The following CPPED1 variants were observed in gnomAD, a reference collection of about 807,000 sequenced individuals.
The protein encoded by CPPED1 is serine/threonine-protein phosphatase CPPED1.
CPPED1 carries 28 observed loss-of-function variants against 28.0 expected under a neutral mutation model. The ratio of observed to expected loss-of-function variants is 1.00; its 90% CI spans 0.74 to 1.37. CPPED1 has a LOEUF of 1.37. Ranked by LOEUF, CPPED1 falls within the 40% of genes most tolerant of loss-of-function variation. CPPED1 has a pLI of 0.00. For synonymous variants in CPPED1, 198 were observed against 180.2 expected (o/e 1.10, Z -0.79); for missense variants, 504 against 416.5 (o/e 1.21, Z -1.83).
intron 3 of CPPED1, among the ~76,000 whole-genome samples, chr16:12,683,145 T>C (rs2079914445): frequency 6.6e-6 from 1 of 152,236 alleles, no homozygotes; most frequent in African/African-American, 2.4e-5. Flanking sequence ...AAGGGGGTAC[T>C]GCATCCATCA....
At chr16:12,716,965 C>T (rs1467305875) in intron 2 of CPPED1, among the ~76,000 whole-genome samples, 1 of 151,678 alleles carries the variant, frequency 6.6e-6, no homozygotes, top group Non-Finnish European at 1.5e-5. Flanking sequence ...AGTTGGGAGG[C>T]ACCCCAGAGC....
At chr16:12,798,175 G>A (rs1053512780) in intron 1 of CPPED1, among the ~76,000 whole-genome samples, 1 of 152,182 alleles carries the variant, frequency 6.6e-6, no homozygotes, top group African/African-American at 2.4e-5. Context: ...TTCTGGAAAT[G>A]TTATAGTGCA....
chr16:12,719,780 C>G (rs2080128656), intron 2 of CPPED1, among the ~76,000 whole-genome samples: 1 of 151,954 alleles, frequency 6.6e-6, no homozygotes, highest in African/African-American at 2.4e-5. Flanking sequence ...ACTAAAAATA[C>G]AAAAATTAGC....
chr16:12,766,279 A>G (rs369674793), intron 2 of CPPED1, among the ~76,000 whole-genome samples: 2 of 144,564 alleles, frequency 1.4e-5, no homozygotes, highest in South Asian at 2.1e-4. Flanking sequence ...AGAGAGAGGG[A>G]GAGAGAGAGA....
Position 12,704,743 on chromosome 16 carries a change from T to A in CPPED1, c.596A>T (p.His199Leu), listed in dbSNP as rs945120645. The A allele has an allele frequency of 1.2e-6, 2 of 1,614,108 alleles. No individual in the cohort carries two copies. Among genetic ancestry groups the A allele is most frequent in the African/African-American group, 1.3e-5 (1 of 74,934 alleles). The change falls in exon 3 of 4, where the codon CAT (histidine) becomes CTT (leucine). Residue 199 changes from histidine to leucine, a missense_variant. Physicochemically the swap from His to Leu is moderately conservative, Grantham distance 99. Transcript: ENST00000381774. ...CGGGATGTGCTGGAAGACGATGGCA[T>A]GCTGGCAGTGCCGCTGCCTCGCGAT... ...LSIARQRHCQ[H>L]AIVFQHIPLF...
At chr16:12,747,950 G>A (rs1334542635) in intron 2 of CPPED1, among the ~76,000 whole-genome samples, 1 of 152,194 alleles carries the variant, frequency 6.6e-6, no homozygotes, top group African/African-American at 2.4e-5. Context: ...ACACCACGCA[G>A]TGCCCGTCTC....
rs2079798607 is a variant in CPPED1 at position 12,662,152 on chromosome 16, AG to A, written c.*2733del. 6.6e-6 allele frequency: 1 copy of A among 152,246 alleles called. No individual in the cohort carries two copies. Among genetic ancestry groups the A allele is most frequent in the Admixed American group, 6.5e-5 (1 of 15,286 alleles). 9.4% of individuals were successfully genotyped at this position (152,246 alleles called of 1,614,324 possible). ...ATTCAAAACCATAGCACTTAGAATC[AG>A]GAAGTCCTTTTATCGTTTTTCACAG... On this transcript the variant is annotated 3_prime_UTR_variant, in exon 4 of 4. Coordinates refer to ENST00000381774, the MANE Select transcript of CPPED1 (RefSeq NM_018340.3).
intron 2 of CPPED1, among the ~76,000 whole-genome samples, chr16:12,730,620 C>T (rs914035048): frequency 1.3e-5 from 2 of 152,138 alleles, no homozygotes; most frequent in African/African-American, 4.8e-5. Context: ...TAACACAGAA[C>T]CAATTGCTGC....
chr16:12,785,547 C>T (rs1464618115), intron 1 of CPPED1, among the ~76,000 whole-genome samples: 1 of 151,966 alleles, frequency 6.6e-6, no homozygotes, highest in Non-Finnish European at 1.5e-5. Context: ...CATGCCTCAG[C>T]CTCCCGAGTA....
In CPPED1 at chr16:12,704,628, G is replaced by T; in HGVS notation, c.711C>A (p.His237Gln). Residue 237 changes from histidine to glutamine, a missense_variant, in exon 3 of 4, where the codon CAC (histidine) becomes CAA (glutamine). Physicochemically the swap from His to Gln is conservative, Grantham distance 24. Coordinates refer to ENST00000381774, the MANE Select transcript of CPPED1 (RefSeq NM_018340.3). ...TRKKLADKFI[H>Q]AGVKVVFSGH... ...CCCGTGGCCCGGGGCCTCTACCTGCGTGGATGAACTTGTCTGCCAACTTCT... is the reference window on the plus strand; with the variant it reads ...CCCGTGGCCCGGGGCCTCTACCTGCTTGGATGAACTTGTCTGCCAACTTCT... 1 of 1,607,956 alleles carries T rather than the reference G, an allele frequency of 6.2e-7. No homozygotes were observed. Among genetic ancestry groups the T allele is most frequent in the South Asian group, 1.1e-5 (1 of 90,414 alleles).
At chr16:12,774,766 T>C (rs2080488240) in intron 2 of CPPED1, among the ~76,000 whole-genome samples, 1 of 151,872 alleles carries the variant, frequency 6.6e-6, no homozygotes, top group African/African-American at 2.4e-5. Flanking sequence ...AATGAATGAG[T>C]TAGTGGATTA....
In CPPED1 at chr16:12,682,142, T is replaced by C. The variant is rs540213349; in HGVS notation, c.716-17027A>G. Among the ~76,000 whole-genome samples, 16 of 152,176 alleles carry C rather than the reference T, an allele frequency of 1.1e-4. No individual in the cohort carries two copies. The highest frequency in any genetic ancestry group is 3.3e-4 in the Admixed American group (5 of 15,282). On this transcript the variant is annotated intron_variant, in intron 3 of 3. Transcript: ENST00000381774. The surrounding 1 kb of genome is among the most constrained non-coding windows in gnomAD (Gnocchi z 6.1). ...TGCGTATCCTGGGTTCAAGCAGTTCTCCCTGCCTCAGCCTCCCGAGTAGCT... is the reference window on the plus strand; with the variant it reads ...TGCGTATCCTGGGTTCAAGCAGTTCCCCCTGCCTCAGCCTCCCGAGTAGCT...
intron 2 of CPPED1, among the ~76,000 whole-genome samples, chr16:12,710,603 T>A (rs2080075045): frequency 6.6e-6 from 1 of 152,104 alleles, no homozygotes. Flanking sequence ...TGATAGGGAA[T>A]GAATATCAGA....
chr16:12,763,436 C>T (rs560890497), intron 2 of CPPED1, among the ~76,000 whole-genome samples: 3 of 151,968 alleles, frequency 2.0e-5, no homozygotes, highest in Non-Finnish European at 4.4e-5. Context: ...ACACAAAAGA[C>T]CAATGAATGG....
intron 3 of CPPED1, among the ~76,000 whole-genome samples, chr16:12,693,876 T>G (rs2079976176): frequency 6.6e-6 from 1 of 152,180 alleles, no homozygotes; most frequent in Non-Finnish European, 1.5e-5. Context: ...GGGGGCTCCT[T>G]TTTGAAATGT....
intron 3 of CPPED1, among the ~76,000 whole-genome samples, chr16:12,690,989 C>T (rs536387597): frequency 9.8e-5 from 15 of 152,302 alleles, no homozygotes; most frequent in South Asian, 8.3e-4. Context: ...ACGGGTATCC[C>T]GGCTCCTCTC....
At chr16:12,785,936 GAA>G (rs11441328) in intron 1 of CPPED1, among the ~76,000 whole-genome samples, 2 of 136,848 alleles carry the variant, frequency 1.5e-5, no homozygotes. Context: ...GTCATTACTG[GAA>G]AAAAAAAAAA....
At chr16:12,694,735 G>GGGC (rs1567278197) in intron 3 of CPPED1, among the ~76,000 whole-genome samples, 1 of 133,358 alleles carries the variant, frequency 7.5e-6, no homozygotes, top group East Asian at 2.5e-4. Context: ...AAAAGGTGGG[G>GGGC]GGGGGGGCGG....
At chr16:12,785,588 T>C (rs546066819) in intron 1 of CPPED1, among the ~76,000 whole-genome samples, 2 of 152,122 alleles carry the variant, frequency 1.3e-5, no homozygotes, top group South Asian at 4.2e-4. Flanking sequence ...GCACCACACC[T>C]GATTAATTTT....
Sources: gnomAD v4.1 joint callset for allele counts (sites outside exome capture counted in the v4.1 genomes callset) on GRCh38, gnomAD v4.1.1 for gene constraint, Gnocchi (gnomAD v3.1) non-coding constraint, MANE v1.5 for transcripts, NCBI Gene and HGNC (gene_info 2026-07-23, HGNC 2026-07-21) for gene names.